Variants in TBC1D12 observed in about 807,000 individuals in gnomAD.
TBC1D12 encodes the protein TBC1 domain family, member 12.
Under a neutral mutation model 86.7 loss-of-function variants are expected in TBC1D12, and 56 were observed. The observed-to-expected ratio is 0.65, with a 90% CI of 0.52 to 0.81. TBC1D12 has a LOEUF of 0.81. Ranked by LOEUF, TBC1D12 falls within the 30% of genes least tolerant of loss-of-function variation. TBC1D12 has a pLI of 0.00. For synonymous variants in TBC1D12, 421 were observed against 411.7 expected (o/e 1.02, Z -0.27); for missense variants, 1,023 against 1,038.8 (o/e 0.98, Z 0.21).
At chr10:94,473,051 T>G in intron 2 of TBC1D12, among the ~76,000 whole-genome samples, 1 of 152,094 alleles carries the variant, frequency 6.6e-6, no homozygotes, top group Non-Finnish European at 1.5e-5. Flanking sequence ...CAATTAAGGT[T>G]AAGCTTCAAG....
chr10:94,523,733 C>T (rs935690294), intron 11 of TBC1D12, among the ~76,000 whole-genome samples: 2 of 151,980 alleles, frequency 1.3e-5, no homozygotes, highest in Admixed American at 6.6e-5. Flanking sequence ...GAGGCCAAGG[C>T]GGGAGGATTG....
In TBC1D12 at chr10:94,493,444, C is replaced by T. The variant is rs572599039; in HGVS notation, c.1291C>T (p.Arg431Ter). Residue 431 changes from arginine (R) to a stop codon, truncating the protein, a stop_gained, in exon 4 of 13, where the codon CGA (arginine) becomes TGA (stop). Transcript: ENST00000225235. LOFTEE classifies it high-confidence loss of function. Reference sequence around the variant, plus strand: ...TGAGATGGTGGCTGAGGCTAAAAAACGAGGTATAAAATTTAACTCCAAATG... The same window carrying T: ...TGAGATGGTGGCTGAGGCTAAAAAATGAGGTATAAAATTTAACTCCAAATG... ...YDEMVAEAKK[R>*]EIKEAHKRKR... 3 of 1,608,660 alleles carry T rather than the reference C, an allele frequency of 1.9e-6. No homozygotes were observed. The highest frequency in any genetic ancestry group is 2.2e-5 in the East Asian group (1 of 44,790).
chr10:94,465,370 G>A (rs981120488), intron 2 of TBC1D12, among the ~76,000 whole-genome samples: 10 of 152,144 alleles, frequency 6.6e-5, no homozygotes, highest in South Asian at 4.1e-4. Flanking sequence ...GCATAGGCCC[G>A]GGCGCAGTGG....
intron 11 of TBC1D12, 88 bp downstream of exon 11, chr10:94,522,541 G>A: frequency 1.7e-6 from 1 of 594,990 alleles, no homozygotes; most frequent in East Asian, 3.5e-5. Flanking sequence ...TAAATCTCAT[G>A]TGCAGGATTT....
At chr10:94,505,674 A>G (rs2056450720) in intron 6 of TBC1D12, among the ~76,000 whole-genome samples, 1 of 152,168 alleles carries the variant, frequency 6.6e-6, no homozygotes. Flanking sequence ...GGGAGAAAAG[A>G]TTAGAATAGT....
intron 3 of TBC1D12, among the ~76,000 whole-genome samples, chr10:94,484,014 C>G (rs1366147851): frequency 6.6e-6 from 1 of 152,100 alleles, no homozygotes; most frequent in Non-Finnish European, 1.5e-5. Context: ...CCAAATTTCC[C>G]AGTATCATTT....
intron 2 of TBC1D12, among the ~76,000 whole-genome samples, chr10:94,474,386 G>A (rs766301981): frequency 3.3e-5 from 5 of 151,692 alleles, no homozygotes; most frequent in African/African-American, 9.7e-5. Context: ...TAGAGGTGAG[G>A]TGTTGACCCT....
At chr10:94,435,551 T>C (rs928580501) in intron 1 of TBC1D12, among the ~76,000 whole-genome samples, 4 of 152,218 alleles carry the variant, frequency 2.6e-5, no homozygotes, top group Non-Finnish European at 5.9e-5. Context: ...TAGATTATCT[T>C]TTATGAAAGT....
chr10:94,475,637 T>C (rs1167639278), intron 3 of TBC1D12, among the ~76,000 whole-genome samples: 1 of 152,132 alleles, frequency 6.6e-6, no homozygotes, highest in Non-Finnish European at 1.5e-5. Context: ...GGTTTCGCCA[T>C]GTTGGCCAGG....
chr10:94,442,269 C>G (rs1221793578), intron 2 of TBC1D12, among the ~76,000 whole-genome samples: 1 of 150,816 alleles, frequency 6.6e-6, no homozygotes, highest in Non-Finnish European at 1.5e-5. Flanking sequence ...TTTTTTTAAC[C>G]AGTTATTCCT....
intron 3 of TBC1D12, among the ~76,000 whole-genome samples, chr10:94,485,677 ATTC>A (rs1449364133): frequency 2.0e-5 from 3 of 151,444 alleles, no homozygotes; most frequent in Admixed American, 2.0e-4. Flanking sequence ...TGTCAGTTCA[ATTC>A]TTCTTTAAAT....
chr10:94,522,473 A>AT lies in TBC1D12; in HGVS notation c.2000+21dup. On this transcript the variant is annotated intron_variant, in intron 11 of 12. Transcript: ENST00000225235. ...AGACTGGTAAGTCATAACATACGTA[A>AT]TATATAATAATGAAAAGGAAATAAA... 1.0e-6 allele frequency: 1 copy of AT among 954,368 alleles called. No individual in the cohort carries two copies. Among genetic ancestry groups the AT allele is most frequent in the Non-Finnish European group, 1.5e-6 (1 of 647,566 alleles). The allele number at this position is 954,368 out of a possible 1,614,324, so 59.1% of individuals were successfully genotyped here.
At position 94,522,409 on chromosome 10, in the gene TBC1D12, C is replaced by A; in HGVS notation, c.1956C>A (p.His652Gln). The change falls in exon 11 of 13, where the codon CAC (histidine) becomes CAA (glutamine). Residue 652 changes from histidine (H) to glutamine (Q), a missense_variant. Coordinates refer to ENST00000225235, the MANE Select transcript of TBC1D12 (RefSeq NM_015188.2). ...FEENLSKLFL[H>Q]FKSYSLTPDI... ...AAAATCTTTCCAAATTATTTCTTCA[C>A]TTCAAATCTTACAGTCTTACACCAG... The A allele has an allele frequency of 6.8e-7, 1 of 1,460,870 alleles. No individual in the cohort carries two copies. Among genetic ancestry groups the A allele is most frequent in the Non-Finnish European group, 9.3e-7 (1 of 1,071,794 alleles). The allele number at this position is 1,460,870 out of a possible 1,614,324, so 90.5% of individuals were successfully genotyped here.
rs2056330521 is a variant in TBC1D12 at position 94,497,118 on chromosome 10, T to C, written c.1358T>C (p.Ile453Thr). ...GAACGATTTAAGCAGGAAGAAAATA[T>C]TGCAAGTGCAATGGTAATTTGGATC... ...MKERFKQEEN[I>T]ASAMVIWINE... The change falls in exon 5 of 13, where the codon ATT (isoleucine) becomes ACT (threonine). Residue 453 changes from isoleucine (I) to threonine (T), a missense_variant. Ile to Thr is a moderately conservative substitution (Grantham distance 89, BLOSUM62 -1). Transcript: ENST00000225235. 1.3e-6 allele frequency: 2 copies of C among 1,567,974 alleles called. No individual in the cohort carries two copies. The highest frequency in any genetic ancestry group is 1.2e-5 in the South Asian group (1 of 83,618).
In TBC1D12 at chr10:94,496,967, A is replaced by G. The variant is rs115514982; in HGVS notation, c.1295-88A>G. On this transcript the variant is annotated intron_variant, in intron 4 of 12. Transcript: ENST00000225235. Reference sequence around the variant, plus strand: ...CTTATGATAATATTCTTTTTGAGAAAGTCTATTTTGTAGAGTTTAGGTAAA... The same window carrying G: ...CTTATGATAATATTCTTTTTGAGAAGGTCTATTTTGTAGAGTTTAGGTAAA... 1.5e-3 allele frequency: 974 copies of G among 648,972 alleles called. 7 individuals carry two copies. In the African/African-American group the frequency reaches 0.016, roughly 10 times the overall value. 40.2% of individuals were successfully genotyped at this position (648,972 alleles called of 1,614,324 possible). A position where few individuals can be genotyped will look rare whatever the true frequency, so the allele number is the denominator to read the frequency against.
intron 5 of TBC1D12, among the ~76,000 whole-genome samples, chr10:94,499,699 T>C (rs1332110938): frequency 6.6e-6 from 1 of 152,344 alleles, no homozygotes; most frequent in East Asian, 1.9e-4. Context: ...TATGTATTTT[T>C]ACTCCCATTT....
At chr10:94,505,366 G>A (rs944777656) in intron 6 of TBC1D12, among the ~76,000 whole-genome samples, 96 of 152,226 alleles carry the variant, frequency 6.3e-4, no homozygotes, top group African/African-American at 2.3e-3. Flanking sequence ...ATCACATGAG[G>A]CCAGGAGTTC....
In TBC1D12 at chr10:94,402,884, C is replaced by A. The variant is rs1475623634; in HGVS notation, c.271C>A (p.Pro91Thr). The A allele has an allele frequency of 4.7e-6, 7 of 1,495,938 alleles. No homozygotes were observed. In the African/African-American group the frequency reaches 8.8e-5, roughly 19 times the overall value. The allele number at this position is 1,495,938 out of a possible 1,614,324, so 92.7% of individuals were successfully genotyped here. ...GCCGGGGCTCTGCTACTGTCCGCTC[C>A]CCGCTGGCCAGGCCGGCGCCCCGCC... ...LEPGLCYCPL[P>T]AGQAGAPPPS... is the part of the protein sequence containing the mutation. The change falls in exon 1 of 13, where the codon CCC becomes ACC. Residue 91 changes from proline to threonine, a missense_variant. This residue lies in a region of TBC1D12 where 628 missense variants were observed against 531.1 expected (regional missense o/e 1.18). Transcript: ENST00000225235.
At chr10:94,447,763 A>C (rs1457475168) in intron 2 of TBC1D12, 3 of 787,080 alleles carry the variant, frequency 3.8e-6, no homozygotes, top group Non-Finnish European at 4.6e-6. Flanking sequence ...TTTTTTTTCT[A>C]AATTAGTAGG....
Sources: gnomAD v4.1 joint callset for allele counts (sites outside exome capture counted in the v4.1 genomes callset) on GRCh38, gnomAD v4.1.1 for gene constraint, gnomAD v4.1.1 regional missense constraint, MANE v1.5 for transcripts, NCBI Gene and HGNC (gene_info 2026-07-23, HGNC 2026-07-21) for gene names.